TEAD1: variants seen among roughly 807,000 people sequenced by gnomAD.
The protein encoded by TEAD1 is TEA domain transcription factor 1, also known as transcriptional enhancer factor TEF-1.
TEAD1 carries 9 observed loss-of-function variants against 54.9 expected under a neutral mutation model. That is an observed-to-expected ratio of 0.16 (90% CI 0.10 to 0.29). TEAD1 has a LOEUF of 0.29. Among genes scored for constraint, TEAD1 ranks in the 10% least tolerant of loss-of-function variants. The pLI, the probability that TEAD1 is intolerant of heterozygous loss-of-function variation, is 1.00. For synonymous variants in TEAD1, 200 were observed against 187.8 expected, an observed-to-expected ratio of 1.07 and a Z score of -0.53; for missense variants, 387 against 535.9, an observed-to-expected ratio of 0.72 and a Z score of 2.74.
intron 3 of TEAD1, among the ~76,000 whole-genome samples, chr11:12,828,995 C>T (rs184917263): frequency 2.8e-4 from 42 of 152,148 alleles, no homozygotes; most frequent in Non-Finnish European, 4.3e-4. Context: ...TTTTAAATAT[C>T]GGAAAGAAAA....
At chr11:12,766,822 C>A (rs1945216429) in intron 3 of TEAD1, among the ~76,000 whole-genome samples, 1 of 152,168 alleles carries the variant, frequency 6.6e-6, no homozygotes, top group Non-Finnish European at 1.5e-5. Flanking sequence ...TTTGGAAGAA[C>A]AATCTTACTG....
intron 2 of TEAD1, among the ~76,000 whole-genome samples, chr11:12,758,366 G>A (rs1212204223): frequency 6.8e-6 from 1 of 147,874 alleles, no homozygotes; most frequent in Non-Finnish European, 1.5e-5. Context: ...TCAGCCTCCT[G>A]AGCAGCTGGT....
At chr11:12,935,555 G>A (rs1050547768) in intron 12 of TEAD1, among the ~76,000 whole-genome samples, 1 of 151,990 alleles carries the variant, frequency 6.6e-6, no homozygotes, top group African/African-American at 2.4e-5. Context: ...TGCCTCCCGG[G>A]CTCAAGTGAT....
At chr11:12,783,249 AG>A (rs766010180) in intron 3 of TEAD1, among the ~76,000 whole-genome samples, 3 of 143,908 alleles carry the variant, frequency 2.1e-5, no homozygotes, top group East Asian at 2.0e-4. Context: ...TCCCACAGTC[AG>A]CCCATGGCTG....
At chr11:12,919,300 C>G (rs1480923733) in intron 10 of TEAD1, among the ~76,000 whole-genome samples, 1 of 152,018 alleles carries the variant, frequency 6.6e-6, no homozygotes, top group Non-Finnish European at 1.5e-5. Flanking sequence ...TAATGGTAAA[C>G]CAATGGTGAG....
At chr11:12,722,712 GA>G (rs928735257) in intron 2 of TEAD1, among the ~76,000 whole-genome samples, 17 of 151,288 alleles carry the variant, frequency 1.1e-4, no homozygotes, top group South Asian at 2.1e-4. Context: ...ACAAAAGAGG[GA>G]AAAAATTCAT....
chr11:12,810,286 C>T (rs918106603), intron 3 of TEAD1, among the ~76,000 whole-genome samples: 2 of 152,124 alleles, frequency 1.3e-5, no homozygotes, highest in Non-Finnish European at 2.9e-5. Context: ...TCCTCTTTCC[C>T]CATTCTTAAG....
At chr11:12,922,858 G>T (rs1948834795) in intron 10 of TEAD1, 1 of 149,968 alleles carries the variant, frequency 6.7e-6, no homozygotes, top group Non-Finnish European at 1.5e-5. Context: ...GAACCTGGGA[G>T]GTGGAGGTTG....
intron 10 of TEAD1, among the ~76,000 whole-genome samples, chr11:12,914,399 T>C (rs954942059): frequency 1.3e-5 from 2 of 152,228 alleles, no homozygotes; most frequent in Non-Finnish European, 2.9e-5. Flanking sequence ...ATTATTCTTA[T>C]TTAAAACAGC....
chr11:12,689,658 T>A (rs1318504479), intron 2 of TEAD1, among the ~76,000 whole-genome samples: 3 of 152,046 alleles, frequency 2.0e-5, no homozygotes, highest in Non-Finnish European at 4.4e-5. Context: ...AAGGAGGGGG[T>A]CAGGAGCAGA....
chr11:12,814,777 CTGTGTGTGTGTGTGTGTGTG>C (rs397842274), intron 3 of TEAD1, among the ~76,000 whole-genome samples: 6,691 of 106,016 alleles, frequency 0.063, 251 homozygotes, highest in African/African-American at 0.062. Context: ...TCGCAGAGCT[CTGTGTGTGTGTGTGTGTGTG>C]TGTGTGTGTG....
At chr11:12,838,943 C>G (rs1946966035) in intron 3 of TEAD1, among the ~76,000 whole-genome samples, 1 of 152,152 alleles carries the variant, frequency 6.6e-6, no homozygotes, top group Admixed American at 6.5e-5. Flanking sequence ...AACAGAAAAT[C>G]TGTGCCGCTC....
intron 10 of TEAD1, among the ~76,000 whole-genome samples, chr11:12,917,843 G>A (rs1009237024): frequency 2.6e-5 from 4 of 152,142 alleles, no homozygotes; most frequent in Non-Finnish European, 5.9e-5. Flanking sequence ...ATTTCTAAGT[G>A]TTGTTTTTTA....
At chr11:12,746,401 C>T (rs1944745585) in intron 2 of TEAD1, among the ~76,000 whole-genome samples, 1 of 152,092 alleles carries the variant, frequency 6.6e-6, no homozygotes, top group South Asian at 2.1e-4. Flanking sequence ...TTCATTGACC[C>T]AAATCTGACT....
intron 9 of TEAD1, among the ~76,000 whole-genome samples, chr11:12,891,522 G>C (rs1344552254): frequency 1.3e-5 from 2 of 152,254 alleles, no homozygotes; most frequent in Non-Finnish European, 2.9e-5. Context: ...GGTAATGACT[G>C]GGTGTTGGAG....
At chr11:12,879,261 G>A (rs905215754) in intron 5 of TEAD1, among the ~76,000 whole-genome samples, 2 of 152,118 alleles carry the variant, frequency 1.3e-5, no homozygotes, top group African/African-American at 4.8e-5. Flanking sequence ...ACACAGATAG[G>A]GCTCCTCGAG....
intron 2 of TEAD1, among the ~76,000 whole-genome samples, chr11:12,690,021 A>G (rs989556394): frequency 6.6e-6 from 1 of 152,034 alleles, no homozygotes; most frequent in East Asian, 1.9e-4. Context: ...TGGGCGGATC[A>G]TGAGGTCAGG....
intron 3 of TEAD1, among the ~76,000 whole-genome samples, chr11:12,824,529 C>T (rs551218123): frequency 1.1e-4 from 17 of 152,200 alleles, no homozygotes; most frequent in Admixed American, 9.2e-4. Flanking sequence ...GGATACTGCC[C>T]GATTGTTTCC....
chr11:12,864,099 C>G (rs1389036131), intron 4 of TEAD1, among the ~76,000 whole-genome samples: 1 of 151,132 alleles, frequency 6.6e-6, no homozygotes, highest in Non-Finnish European at 1.5e-5. Context: ...GCTCTGCTAA[C>G]TGGGTCTTTC....
Sources: allele counts gnomAD v4.1 joint callset (sites outside exome capture counted in the v4.1 genomes callset), GRCh38; gene constraint gnomAD v4.1.1; transcripts MANE v1.5; gene names NCBI Gene and HGNC (gene_info 2026-07-23, HGNC 2026-07-21).